Variants in MAPK10 observed in about 807,000 individuals in gnomAD.
MAPK10 encodes JNK3 alpha protein kinase.
In MAPK10, 25 loss-of-function variants were observed where a neutral mutation model predicts 59.3. The observed-to-expected ratio is 0.42, with a 90% confidence interval of 0.31 to 0.59. MAPK10 has a LOEUF of 0.59. MAPK10 is among the 20% of genes least tolerant of loss of function. The probability of loss-of-function intolerance (pLI) is 0.15; values close to 1 mark genes in which losing one functional copy is unlikely to be tolerated. For synonymous variants in MAPK10, 190 were observed against 200.5 expected (o/e 0.95, Z 0.44); for missense variants, 351 against 568.9 (o/e 0.62, Z 3.90).
intron 1 of MAPK10, among the ~76,000 whole-genome samples, chr4:86,538,804 T>A (rs1467546569): frequency 6.6e-6 from 1 of 152,150 alleles, no homozygotes; most frequent in Admixed American, 6.5e-5. Flanking sequence ...TATCTAATAT[T>A]CTTAAATCTC....
At position 86,189,732 on chromosome 4, in the gene MAPK10, C is replaced by T. The variant is rs191438989; in HGVS notation, c.66+4604G>A. 6.7e-4 allele frequency among the ~76,000 whole-genome samples: 102 copies of T among 152,228 alleles called. No individual in the cohort carries two copies. The South Asian group carries it at 0.014, about 21-fold the overall frequency. Reference sequence around the variant, plus strand: ...GACTTCTTCTCTTCTTATTTGAATACGCTTTATTTCATTCTCTTGCCTGAT... The same window carrying T: ...GACTTCTTCTCTTCTTATTTGAATATGCTTTATTTCATTCTCTTGCCTGAT... On this transcript the variant is annotated intron_variant, in intron 3 of 13. Coordinates refer to ENST00000641462, the MANE Select transcript of MAPK10 (RefSeq NM_138982.4).
At chr4:86,213,178 A>G (rs1482992512) in intron 2 of MAPK10, among the ~76,000 whole-genome samples, 1 of 152,138 alleles carries the variant, frequency 6.6e-6, no homozygotes, top group African/African-American at 2.4e-5. Context: ...CAACATAACA[A>G]AACCTATAAG....
chr4:86,400,743 C>T (rs1401626245), intron 1 of MAPK10, among the ~76,000 whole-genome samples: 1 of 152,102 alleles, frequency 6.6e-6, no homozygotes, highest in Non-Finnish European at 1.5e-5. Flanking sequence ...TGGTTTAACT[C>T]CCTTGCAGTT....
In MAPK10 at chr4:86,358,247, G is replaced by C. The variant is rs1000618362; in HGVS notation, c.-122+1411C>G. On this transcript the variant is annotated intron_variant, in intron 1 of 13. Coordinates refer to ENST00000641462, the MANE Select transcript of MAPK10 (RefSeq NM_138982.4). ...TCACAGAAGCTTCTCTGAGAGAAAT[G>C]GTCCTTACTGCAACTATTTTAAATA... 4 of 985,230 alleles carry C rather than the reference G, an allele frequency of 4.1e-6. No individual in the cohort carries two copies. The African/African-American group carries it at 7.0e-5, about 17-fold the overall frequency. 61.0% of individuals were successfully genotyped at this position (985,230 alleles called of 1,614,324 possible). A position where few individuals can be genotyped will look rare whatever the true frequency, so the allele number is the denominator to read the frequency against.
At chr4:86,245,178 T>C (rs1354251897) in intron 2 of MAPK10, among the ~76,000 whole-genome samples, 1 of 152,202 alleles carries the variant, frequency 6.6e-6, no homozygotes, top group Non-Finnish European at 1.5e-5. Context: ...GTCCTGTACA[T>C]GTCATAACAC....
intron 1 of MAPK10, among the ~76,000 whole-genome samples, chr4:86,479,859 C>T (rs1316139311): frequency 6.6e-6 from 1 of 152,030 alleles, no homozygotes; most frequent in Non-Finnish European, 1.5e-5. Context: ...CTTCTAACAA[C>T]CCCACAATAT....
At chr4:86,164,948 G>A (rs929037935) in intron 3 of MAPK10, among the ~76,000 whole-genome samples, 1 of 152,068 alleles carries the variant, frequency 6.6e-6, no homozygotes, top group Admixed American at 6.6e-5. Flanking sequence ...GGATATTCAT[G>A]GATGCCAAGA....
intron 2 of MAPK10, among the ~76,000 whole-genome samples, chr4:86,218,011 A>C (rs902613735): frequency 6.6e-6 from 1 of 152,062 alleles, no homozygotes; most frequent in African/African-American, 2.4e-5. Context: ...TTTTTAAAAG[A>C]AAGTTTATTC....
chr4:86,296,930 T>G (rs2095374386), intron 2 of MAPK10, among the ~76,000 whole-genome samples: 1 of 152,196 alleles, frequency 6.6e-6, no homozygotes, highest in Non-Finnish European at 1.5e-5. Context: ...TTGGAGGAGA[T>G]CCATCTGTTC....
chr4:86,042,411 G>C (rs1236095251), intron 11 of MAPK10, among the ~76,000 whole-genome samples: 2 of 152,044 alleles, frequency 1.3e-5, no homozygotes, highest in African/African-American at 2.4e-5. Flanking sequence ...GATAGGTGCA[G>C]CAAACCACCA....
chr4:86,076,367 G>T (rs192828735), intron 9 of MAPK10, among the ~76,000 whole-genome samples: 1 of 152,166 alleles, frequency 6.6e-6, no homozygotes, highest in Non-Finnish European at 1.5e-5. Context: ...CGTCGCTCAC[G>T]CTGGGAGCTG....
intron 3 of MAPK10, among the ~76,000 whole-genome samples, chr4:86,160,696 TTTAA>T (rs10545105): frequency 0.67 from 101,954 of 151,406 alleles, 37,386 homozygotes; most frequent in East Asian, 0.92. Context: ...CTGCCAAAGC[TTTAA>T]TTAGTGAAAA....
At chr4:86,103,985 C>T (rs1048091288) in intron 5 of MAPK10, among the ~76,000 whole-genome samples, 8 of 151,864 alleles carry the variant, frequency 5.3e-5, no homozygotes, top group African/African-American at 1.7e-4. Context: ...TTGGTACTAA[C>T]GTGCCAGTAG....
At chr4:86,078,704 T>C (rs1394286589) in intron 9 of MAPK10, among the ~76,000 whole-genome samples, 1 of 152,108 alleles carries the variant, frequency 6.6e-6, no homozygotes, top group Non-Finnish European at 1.5e-5. Flanking sequence ...AAAATGTTTT[T>C]AGGGGCCAGG....
intron 11 of MAPK10, among the ~76,000 whole-genome samples, chr4:86,038,317 T>C (rs1459990147): frequency 6.6e-6 from 1 of 152,222 alleles, no homozygotes; most frequent in East Asian, 1.9e-4. Context: ...GTGCACTCAT[T>C]ATTAATTCAA....
At chr4:86,204,344 A>G (rs776508694) in intron 2 of MAPK10, among the ~76,000 whole-genome samples, 1 of 151,984 alleles carries the variant, frequency 6.6e-6, no homozygotes, top group East Asian at 1.9e-4. Flanking sequence ...TAAAACTTAG[A>G]TGTTTCTTAA....
At chr4:86,059,898 G>T (rs1409364876) in intron 11 of MAPK10, among the ~76,000 whole-genome samples, 2 of 152,104 alleles carry the variant, frequency 1.3e-5, no homozygotes, top group Non-Finnish European at 2.9e-5. Flanking sequence ...TTTCCTGCCA[G>T]CTGTCCTCTG....
intron 2 of MAPK10, among the ~76,000 whole-genome samples, chr4:86,309,928 G>T (rs1256246482): frequency 6.6e-6 from 1 of 152,058 alleles, no homozygotes; most frequent in Non-Finnish European, 1.5e-5. Flanking sequence ...AATATCTCAG[G>T]CCCCAAAATC....
chr4:86,103,362 A>T (rs2055911278), intron 5 of MAPK10, 118 bp from the exon 6 acceptor site: 3 of 614,310 alleles, frequency 4.9e-6, no homozygotes, highest in Non-Finnish European at 8.7e-6. Context: ...AGAAATGGAG[A>T]AGTTGGAAAA....
Sources: allele counts gnomAD v4.1 joint callset (sites outside exome capture counted in the v4.1 genomes callset), GRCh38; gene constraint gnomAD v4.1.1; transcripts MANE v1.5; gene names NCBI Gene and HGNC (gene_info 2026-07-23, HGNC 2026-07-21).